BUD31: variants seen among roughly 807,000 people sequenced by gnomAD.
The protein encoded by BUD31 is protein BUD31 homolog.
Under a neutral mutation model 17.9 loss-of-function variants are expected in BUD31, and 9 were observed. That is an observed-to-expected ratio of 0.50 (90% CI 0.30 to 0.88). The LOEUF (loss-of-function observed/expected upper bound fraction) is 0.88. BUD31 is among the 40% of genes least tolerant of loss of function. The probability of loss-of-function intolerance (pLI) is 0.06; values close to 1 mark genes in which losing one functional copy is unlikely to be tolerated. For synonymous variants in BUD31, 70 were observed against 64.7 expected, an observed-to-expected ratio of 1.08 and a Z score of -0.39; for missense variants, 148 against 184.5, an observed-to-expected ratio of 0.80 and a Z score of 1.15.
chr7:99,416,242 C>T lies in BUD31; in HGVS notation c.199C>T (p.Arg67Trp). The T allele has an allele frequency of 6.2e-7, 1 of 1,613,728 alleles. No homozygotes were observed. The highest frequency in any genetic ancestry group is 8.5e-7 in the Non-Finnish European group (1 of 1,179,712). ...TRYIFDLFYK[R>W]KAISRELYEY... ...CTACATCTTCGACCTCTTTTACAAG[C>T]GGAAAGCCATCAGCAGAGGTAATTA... Residue 67 changes from arginine (R) to tryptophan (W), a missense_variant, in exon 4 of 6, where the codon CGG becomes TGG. Coordinates refer to ENST00000222969, the MANE Select transcript of BUD31 (RefSeq NM_003910.4).
chr7:99,416,324 A>G (rs1230950310), intron 4 of BUD31, 64 bp downstream of exon 4: 2 of 1,561,160 alleles, frequency 1.3e-6, no homozygotes, highest in Admixed American at 1.7e-5. Flanking sequence ...TGAACTAACC[A>G]CAATCCTTAT....
chr7:99,411,772 T>A (rs1268105334), intron 3 of BUD31: 3 of 450,870 alleles, frequency 6.7e-6, no homozygotes, highest in Non-Finnish European at 1.3e-5. Flanking sequence ...TGGCGTGATC[T>A]CGGCTCACTG....
chr7:99,411,298 T>C (rs565103103), intron 3 of BUD31, 112 bp downstream of exon 3: 4 of 726,784 alleles, frequency 5.5e-6, no homozygotes, highest in Non-Finnish European at 9.1e-6. Flanking sequence ...CTACTAACAC[T>C]GACATGTTGT....
chr7:99,417,968 T>TATC, intron 5 of BUD31: 1 of 1,190,944 alleles, frequency 8.4e-7, no homozygotes, highest in African/African-American at 1.6e-5. Flanking sequence ...TTACCATCAC[T>TATC]ATCTTTCCCG....
intron 3 of BUD31, among the ~76,000 whole-genome samples, chr7:99,414,443 A>T (rs1355267606): frequency 6.6e-6 from 1 of 152,150 alleles, no homozygotes; most frequent in Non-Finnish European, 1.5e-5. Context: ...AGCTTTATTG[A>T]GATATTAATC....
intron 2 of BUD31, 106 bp from the exon 3 acceptor site, chr7:99,410,958 C>T (rs955881538): frequency 1.2e-5 from 8 of 693,504 alleles, no homozygotes; most frequent in Non-Finnish European, 1.8e-5. Flanking sequence ...TGTCCCATAG[C>T]TGTGACCCTA....
At position 99,417,556 on chromosome 7, in the gene BUD31, G is replaced by C. The variant is rs116357221; in HGVS notation, c.345G>C (p.Thr115=). The change falls in exon 5 of 6, where the codon ACG becomes ACC. Residue 115 remains threonine (T), a synonymous_variant. Transcript: ENST00000222969. ...AGACACGGGACACCAACTTCGGGACGAACTGCATCTGCCGCGTGCCCAAAA... is the reference window on the plus strand; with the variant it reads ...AGACACGGGACACCAACTTCGGGACCAACTGCATCTGCCGCGTGCCCAAAA... The part of the protein sequence containing the change: ...CIQTRDTNFG[T]NCICRVPKSK... 6.2e-7 allele frequency: 1 copy of C among 1,612,542 alleles called. No individual in the cohort carries two copies. Among genetic ancestry groups the C allele is most frequent in the Non-Finnish European group, 8.5e-7 (1 of 1,179,058 alleles).
At position 99,419,525 on chromosome 7, in the gene BUD31, C is replaced by T. The variant is rs1189576327; in HGVS notation, c.*84C>T. 2 of 1,509,620 alleles carry T rather than the reference C, an allele frequency of 1.3e-6. No homozygotes were observed. Among genetic ancestry groups the T allele is most frequent in the Non-Finnish European group, 1.8e-6 (2 of 1,096,376 alleles). 93.5% of individuals were successfully genotyped at this position (1,509,620 alleles called of 1,614,324 possible). The stretch of plus-strand genomic sequence containing the variant: ...CCCTTCCTGGGAGCAGCGAGCAGTG[C>T]CCCAGGCCCGAGTTGGAGCACGGTC... On this transcript the variant is annotated 3_prime_UTR_variant, in exon 6 of 6. Coordinates refer to ENST00000222969, the MANE Select transcript of BUD31 (RefSeq NM_003910.4).
intron 3 of BUD31, among the ~76,000 whole-genome samples, 173 bp from the exon 4 acceptor site, chr7:99,415,965 C>T (rs1795425053): frequency 1.3e-5 from 2 of 152,212 alleles, no homozygotes; most frequent in South Asian, 4.1e-4. Flanking sequence ...TTTTATTATA[C>T]TAGAACAGCT....
At chr7:99,414,405 C>T (rs1040666773) in intron 3 of BUD31, among the ~76,000 whole-genome samples, 18 of 151,964 alleles carry the variant, frequency 1.2e-4, no homozygotes, top group African/African-American at 4.3e-4. Flanking sequence ...CCCAAAATGC[C>T]CGGCGGCTTA....
At chr7:99,409,471 T>C (rs1018477812) in intron 1 of BUD31, among the ~76,000 whole-genome samples, 2 of 152,006 alleles carry the variant, frequency 1.3e-5, no homozygotes, top group Non-Finnish European at 2.9e-5. Flanking sequence ...CATTTTCACC[T>C]CCGAGAGGCC....
intron 5 of BUD31, chr7:99,419,084 T>C (rs1055657398): frequency 1.6e-5 from 7 of 424,738 alleles, no homozygotes; most frequent in Middle Eastern, 6.9e-4. Flanking sequence ...GGGTCTGTCA[T>C]GCTCACTTAG....
At chr7:99,416,063 A>G in intron 3 of BUD31, 75 bp from the exon 4 acceptor site, 2 of 1,578,606 alleles carry the variant, frequency 1.3e-6, no homozygotes, top group South Asian at 1.1e-5. Flanking sequence ...ATTCATTATC[A>G]GTAGTTACTT....
chr7:99,418,405 A>T lies in BUD31; in HGVS notation c.384+810A>T, dbSNP rs1181600368. The T allele has an allele frequency of 1.3e-3, 206 of 154,836 alleles. 1 individual carries two copies. Among genetic ancestry groups the T allele is most frequent in the African/African-American group, 4.8e-3 (198 of 41,582 alleles). 9.6% of individuals were successfully genotyped at this position (154,836 alleles called of 1,614,324 possible). On this transcript the variant is annotated intron_variant, in intron 5 of 5. Coordinates refer to ENST00000222969, the MANE Select transcript of BUD31 (RefSeq NM_003910.4). ...GAAAGGCAGCTGTGGCCCGAGGCAGAGTCACAGCAGTGGCCGCTCAGTGCA... is the reference window on the plus strand; with the variant it reads ...GAAAGGCAGCTGTGGCCCGAGGCAGTGTCACAGCAGTGGCCGCTCAGTGCA...
chr7:99,416,338 C>A, intron 4 of BUD31, 78 bp downstream of exon 4: 1 of 1,528,286 alleles, frequency 6.5e-7, no homozygotes, highest in South Asian at 1.2e-5. Flanking sequence ...TCCTTATTCT[C>A]GCAACCTGTG....
At chr7:99,417,673 A>C in intron 5 of BUD31, 78 bp downstream of exon 5, 1 of 1,581,050 alleles carries the variant, frequency 6.3e-7, no homozygotes, top group Non-Finnish European at 8.5e-7. Context: ...ATCTTATGTT[A>C]TTTGGTTGGG....
At chr7:99,416,390 A>G (rs1428919199) in intron 4 of BUD31, 130 bp downstream of exon 4, 5 of 1,223,984 alleles carry the variant, frequency 4.1e-6, no homozygotes, top group African/African-American at 1.5e-5. Context: ...GGGGGAGCCA[A>G]CGTTGGCTGA....
chr7:99,416,465 G>C (rs1018875474), intron 4 of BUD31, among the ~76,000 whole-genome samples: 1 of 152,030 alleles, frequency 6.6e-6, no homozygotes, highest in African/African-American at 2.4e-5. Context: ...TGTCACCCAG[G>C]CTGGAGTGCA....
Position 99,419,424 on chromosome 7 carries a change from C to T in BUD31, c.418C>T (p.Arg140Cys). 2 of 1,612,908 alleles carry T rather than the reference C, an allele frequency of 1.2e-6. No individual in the cohort carries two copies. Among genetic ancestry groups the T allele is most frequent in the Non-Finnish European group, 1.7e-6 (2 of 1,180,018 alleles). Residue 140 changes from arginine to cysteine, a missense_variant, in exon 6 of 6, where the codon CGT becomes TGT. Arg to Cys is a radical substitution (Grantham distance 180, BLOSUM62 -3). Coordinates refer to ENST00000222969, the MANE Select transcript of BUD31 (RefSeq NM_003910.4). ...RIIECTHCGC[R>C]GCSG ...CATCGAGTGCACACACTGTGGCTGT[C>T]GTGGCTGCTCTGGCTGAGGCTGGCG... is the stretch of plus-strand genomic sequence containing the variant.
Sources: gnomAD v4.1 joint callset for allele counts (sites outside exome capture counted in the v4.1 genomes callset) on GRCh38, gnomAD v4.1.1 for gene constraint, MANE v1.5 for transcripts, NCBI Gene and HGNC (gene_info 2026-07-23, HGNC 2026-07-21) for gene names.